The following BEND2 variants were observed in gnomAD, a reference collection of about 807,000 sequenced individuals.
BEND2 encodes BEN domain containing 2.
Under a neutral mutation model 43.8 loss-of-function variants are expected in BEND2, and 19 were observed. The observed-to-expected ratio is 0.43, with a 90% CI of 0.30 to 0.64. BEND2 has a LOEUF of 0.64. Ranked by LOEUF, BEND2 falls within the 30% of genes least tolerant of loss-of-function variation. The probability of loss-of-function intolerance (pLI) is 0.11; values close to 1 mark genes in which losing one functional copy is unlikely to be tolerated. For synonymous variants in BEND2, 226 were observed against 210.1 expected (o/e 1.08, Z -0.66); for missense variants, 544 against 574.0 (o/e 0.95, Z 0.53).
Position 18,179,179 on chromosome X carries a change from G to GTTT in BEND2, c.1429+1328_1429+1330dup, listed in dbSNP as rs1164362773. ...GTACAGAGAATCAACTTTTGTTTCT[G>GTTT]TTTTTTTTTTTTTTTTTTTTTTTGG... is the stretch of plus-strand genomic sequence containing the variant. On this transcript the variant is annotated intron_variant, in intron 9 of 13. Transcript: ENST00000380033. 1.3e-3 allele frequency among the ~76,000 whole-genome samples: 77 copies of GTTT among 58,371 alleles called. 1 individual carries two copies. The highest frequency in any genetic ancestry group is 3.9e-3 in the African/African-American group (56 of 14,412). The allele number at this position is 58,371 out of a possible 115,157, so 50.7% of individuals were successfully genotyped here. A position where few individuals can be genotyped will look rare whatever the true frequency, so the allele number is the denominator to read the frequency against.
At chrX:18,177,504 A>T (rs1454924342) in intron 10 of BEND2, 65 bp downstream of exon 10, 7 of 1,062,584 alleles carry the variant, frequency 6.6e-6, no homozygotes, top group Non-Finnish European at 9.2e-6. Flanking sequence ...ACTGCCAATA[A>T]CATTCATTAT....
chrX:18,211,891 ATTC>A (rs1027214128), intron 4 of BEND2, among the ~76,000 whole-genome samples: 1 of 110,400 alleles, frequency 9.1e-6, no homozygotes, highest in African/African-American at 3.3e-5. Context: ...TCTCCAAAAC[ATTC>A]TTCTCAGGAA....
At chrX:18,213,558 GAGAACTAACTCTCA>G (rs1243789025) in intron 3 of BEND2, among the ~76,000 whole-genome samples, 1 of 111,251 alleles carries the variant, frequency 9.0e-6, no homozygotes, top group Non-Finnish European at 1.9e-5. Context: ...AAGAAAATGG[GAGAACTAACTCTCA>G]AGTTAGATAA....
chrX:18,177,937 T>C (rs1472701189), intron 9 of BEND2, among the ~76,000 whole-genome samples, 168 bp from the exon 10 acceptor site: 2 of 112,165 alleles, frequency 1.8e-5, no homozygotes, highest in Non-Finnish European at 3.8e-5. Context: ...ATTTTTTTTC[T>C]ATGCTTATCT....
At chrX:18,195,125 A>G (rs1172396753) in intron 7 of BEND2, among the ~76,000 whole-genome samples, 171 bp downstream of exon 7, 1 of 111,766 alleles carries the variant, frequency 8.9e-6, no homozygotes, top group East Asian at 2.8e-4. Context: ...GAAATTAGGT[A>G]AAGGGTAGTC....
Sources: gnomAD v4.1 joint callset for allele counts (sites outside exome capture counted in the v4.1 genomes callset) on GRCh38, gnomAD v4.1.1 for gene constraint, MANE v1.5 for transcripts, NCBI Gene and HGNC (gene_info 2026-07-23, HGNC 2026-07-21) for gene names.